HECW2: variants seen among roughly 807,000 people sequenced by gnomAD.
HECW2 encodes HECT, C2 and WW domain containing E3 ubiquitin protein ligase 2, also known as E3 ubiquitin-protein ligase HECW2.
Under a neutral mutation model 175.2 loss-of-function variants are expected in HECW2, and 61 were observed. That is an observed-to-expected ratio of 0.35 (90% CI 0.28 to 0.43). The LOEUF is 0.43. Ranked by LOEUF, HECW2 falls within the 20% of genes least tolerant of loss-of-function variation. The pLI is 1.00. For missense variants in HECW2, 1,524 were observed against 2,000.5 expected, an observed-to-expected ratio of 0.76 and a Z score of 4.54; for synonymous variants, 671 against 731.0, an observed-to-expected ratio of 0.92 and a Z score of 1.32.
chr2:196,459,911 T>C (rs1280840113), intron 1 of HECW2, among the ~76,000 whole-genome samples: 2 of 152,180 alleles, frequency 1.3e-5, no homozygotes, highest in African/African-American at 4.8e-5. Flanking sequence ...GGCTCAGCTG[T>C]GCATGCGCAT....
At chr2:196,536,625 G>A (rs1484649402) in intron 1 of HECW2, among the ~76,000 whole-genome samples, 1 of 152,076 alleles carries the variant, frequency 6.6e-6, no homozygotes, top group East Asian at 1.9e-4. Context: ...CCCCTCCAAG[G>A]ACTAATCTCC....
chr2:196,382,453 C>T (rs1447056787), intron 2 of HECW2, among the ~76,000 whole-genome samples: 3 of 151,406 alleles, frequency 2.0e-5, no homozygotes, highest in Non-Finnish European at 4.4e-5. Context: ...AAAAAGGCCT[C>T]TGGTTATTCA....
intron 19 of HECW2, among the ~76,000 whole-genome samples, chr2:196,251,793 A>G (rs1688863537): frequency 6.6e-6 from 1 of 152,066 alleles, no homozygotes; most frequent in Non-Finnish European, 1.5e-5. Context: ...AACTGTCTCT[A>G]GTCTCTCATT....
chr2:196,510,364 T>C (rs1295740532), intron 1 of HECW2, among the ~76,000 whole-genome samples: 1 of 152,140 alleles, frequency 6.6e-6, no homozygotes, highest in Non-Finnish European at 1.5e-5. Flanking sequence ...AGTATAATCA[T>C]TAAACCAGCA....
chr2:196,434,511 A>G (rs1695813236), intron 1 of HECW2, among the ~76,000 whole-genome samples: 1 of 152,198 alleles, frequency 6.6e-6, no homozygotes, highest in African/African-American at 2.4e-5. Context: ...AGATACAGAC[A>G]GAGACTCCAG....
intron 2 of HECW2, among the ~76,000 whole-genome samples, chr2:196,430,225 C>T (rs1488480382): frequency 6.6e-6 from 1 of 152,140 alleles, no homozygotes; most frequent in Non-Finnish European, 1.5e-5. Context: ...AATACACTGG[C>T]CTTTCCACAG....
chr2:196,378,968 A>G (rs1212475186), intron 2 of HECW2, among the ~76,000 whole-genome samples: 1 of 152,132 alleles, frequency 6.6e-6, no homozygotes, highest in Admixed American at 6.5e-5. Flanking sequence ...CCAAAGAAGC[A>G]TCCTTGGGGA....
At chr2:196,377,238 T>C (rs556397835) in intron 2 of HECW2, among the ~76,000 whole-genome samples, 37 of 152,318 alleles carry the variant, frequency 2.4e-4, no homozygotes, top group Non-Finnish European at 5.1e-4. Context: ...AGGCAAATTA[T>C]ATTATGGTCA....
intron 28 of HECW2, among the ~76,000 whole-genome samples, chr2:196,206,872 T>C (rs1465847539): frequency 6.6e-6 from 1 of 152,226 alleles, no homozygotes; most frequent in Non-Finnish European, 1.5e-5. Context: ...TTAGTGGCCC[T>C]GCATACAAAC....
intron 1 of HECW2, among the ~76,000 whole-genome samples, chr2:196,478,730 C>A (rs1307872703): frequency 6.6e-6 from 1 of 151,932 alleles, no homozygotes; most frequent in Non-Finnish European, 1.5e-5. Flanking sequence ...AGTTTAAGGC[C>A]CTAGAAAGCT....
intron 1 of HECW2, among the ~76,000 whole-genome samples, chr2:196,545,347 A>G (rs1689374449): frequency 1.3e-5 from 2 of 152,176 alleles, no homozygotes; most frequent in Non-Finnish European, 2.9e-5. Context: ...ATGAGCTGGA[A>G]CACACTGAGG....
intron 2 of HECW2, among the ~76,000 whole-genome samples, chr2:196,398,007 G>A (rs1402902553): frequency 6.6e-6 from 1 of 152,078 alleles, no homozygotes; most frequent in Non-Finnish European, 1.5e-5. Context: ...TCACCAGGAA[G>A]TGGAGTCTTT....
chr2:196,204,471 C>T (rs1686994724), intron 28 of HECW2, among the ~76,000 whole-genome samples: 1 of 152,166 alleles, frequency 6.6e-6, no homozygotes, highest in African/African-American at 2.4e-5. Flanking sequence ...AAGGAAGCTA[C>T]TATGAATTCT....
chr2:196,430,752 G>A (rs1399817797), intron 2 of HECW2, among the ~76,000 whole-genome samples: 1 of 152,086 alleles, frequency 6.6e-6, no homozygotes, highest in Non-Finnish European at 1.5e-5. Context: ...ATATCAAAGA[G>A]GAAAGATGTT....
chr2:196,340,595 CAAAAAA>C (rs3082071), intron 3 of HECW2, among the ~76,000 whole-genome samples: 4 of 66,914 alleles, frequency 6.0e-5, no homozygotes, highest in Non-Finnish European at 8.0e-5. Flanking sequence ...GACTCCGTCT[CAAAAAA>C]AAAAAAAAAA....
chr2:196,528,261 T>C (rs1688735542), intron 1 of HECW2, among the ~76,000 whole-genome samples: 1 of 152,250 alleles, frequency 6.6e-6, no homozygotes, highest in Admixed American at 6.5e-5. Flanking sequence ...TGATTTCAAT[T>C]ATATAAACGC....
chr2:196,486,587 G>A (rs1346019210), intron 1 of HECW2, among the ~76,000 whole-genome samples: 2 of 152,192 alleles, frequency 1.3e-5, no homozygotes, highest in Non-Finnish European at 2.9e-5. Context: ...GGGTGTGGGT[G>A]GCAGCCCTCC....
At chr2:196,339,439 G>T (rs1284659909) in intron 3 of HECW2, among the ~76,000 whole-genome samples, 25 of 152,184 alleles carry the variant, frequency 1.6e-4, no homozygotes, top group Non-Finnish European at 3.7e-4. Context: ...TCAGTGTTTT[G>T]TCATATTCCT....
chr2:196,545,637 C>CT (rs1689393097), intron 1 of HECW2, among the ~76,000 whole-genome samples: 1 of 152,224 alleles, frequency 6.6e-6, no homozygotes, highest in Admixed American at 6.5e-5. Context: ...ACACCTGCCA[C>CT]TAACACAGTC....
Sources: gnomAD v4.1 joint callset for allele counts (sites outside exome capture counted in the v4.1 genomes callset) on GRCh38, gnomAD v4.1.1 for gene constraint, MANE v1.5 for transcripts, NCBI Gene and HGNC (gene_info 2026-07-23, HGNC 2026-07-21) for gene names.